Variants in EMG1 observed in about 807,000 individuals in gnomAD.
EMG1 encodes the protein EMG1 N1-specific pseudouridine methyltransferase, also known as ribosomal RNA small subunit methyltransferase NEP1.
EMG1 carries 24 observed loss-of-function variants against 26.9 expected under a neutral mutation model. That is an observed-to-expected ratio of 0.89 (90% CI 0.65 to 1.26). The LOEUF (loss-of-function observed/expected upper bound fraction) is 1.26. Among genes scored for constraint, EMG1 ranks in the 50% most tolerant of loss-of-function variants. EMG1 has a pLI of 0.00. For synonymous variants in EMG1, 140 were observed against 112.6 expected (o/e 1.24, Z -1.54); for missense variants, 299 against 307.6 (o/e 0.97, Z 0.21).
chr12:6,994,126 T>C (rs1276128592), intron 7 of EMG1, among the ~76,000 whole-genome samples: 1 of 152,196 alleles, frequency 6.6e-6, no homozygotes, highest in Admixed American at 6.5e-5. Flanking sequence ...TATGAGCCCA[T>C]GTACAAGTTT....
intron 6 of EMG1, among the ~76,000 whole-genome samples, chr12:6,985,042 T>C (rs1359806860): frequency 5.4e-5 from 8 of 148,784 alleles, no homozygotes; most frequent in African/African-American, 1.7e-4. Context: ...CACACAATCA[T>C]GTTATATGTT....
downstream of EMG1, among the ~76,000 whole-genome samples, chr12:6,990,181 C>G (rs372039169): frequency 2.2e-4 from 30 of 137,998 alleles, 1 homozygote; most frequent in Middle Eastern, 0.012. Context: ...TTTTGAGACC[C>G]TGTCTCAAAA....
In EMG1 at chr12:6,976,617, G is replaced by A. The variant is rs1946405081; in HGVS notation, c.*808G>A. On this transcript the variant is annotated 3_prime_UTR_variant, in exon 6 of 6. Coordinates refer to ENST00000599672, the MANE Select transcript of EMG1 (RefSeq NM_006331.8). ...GCGTGCCTGTATTCCCAGCTACTTGGGAGGCTGAGGCAGGAAAATCACTTG... is the reference window on the plus strand; with the variant it reads ...GCGTGCCTGTATTCCCAGCTACTTGAGAGGCTGAGGCAGGAAAATCACTTG... 6.5e-6 allele frequency: 1 copy of A among 153,390 alleles called. No individual in the cohort carries two copies. Among genetic ancestry groups the A allele is most frequent in the Non-Finnish European group, 1.5e-5 (1 of 68,910 alleles). The allele number at this position is 153,390 out of a possible 1,614,324, so 9.5% of individuals were successfully genotyped here.
chr12:6,972,829 T>G (rs1946349229), intron 1 of EMG1, among the ~76,000 whole-genome samples: 1 of 152,142 alleles, frequency 6.6e-6, no homozygotes, highest in Non-Finnish European at 1.5e-5. Context: ...TTTCTTCGTT[T>G]CCACTTTTTC....
chr12:6,981,722 G>C (rs112093579), downstream of EMG1: 5 of 1,385,948 alleles, frequency 3.6e-6, no homozygotes, highest in Middle Eastern at 3.6e-4. Context: ...AGTGTATGGC[G>C]GGGGGCGGAG....
downstream of EMG1, among the ~76,000 whole-genome samples, chr12:6,984,421 C>G (rs1377825791): frequency 2.0e-5 from 3 of 152,198 alleles, no homozygotes; most frequent in African/African-American, 2.4e-5. Flanking sequence ...CTTCAGTGTT[C>G]TATCTAGAGG....
chr12:6,990,041 G>C (rs983788160), downstream of EMG1, among the ~76,000 whole-genome samples: 1 of 151,616 alleles, frequency 6.6e-6, no homozygotes, highest in East Asian at 1.9e-4. Context: ...GGTGGGGTGG[G>C]TGGTGCGTGC....
chr12:6,993,897 C>A (rs1359882462), intron 7 of EMG1, among the ~76,000 whole-genome samples: 1 of 152,180 alleles, frequency 6.6e-6, no homozygotes, highest in African/African-American at 2.4e-5. Flanking sequence ...CAGGCATGAG[C>A]CACTACGCCC....
rs1946439350 is a variant in EMG1 at position 6,978,940 on chromosome 12, T to C, written c.*3131T>C. 2.1e-6 allele frequency: 1 copy of C among 476,722 alleles called. No individual in the cohort carries two copies. Among genetic ancestry groups the C allele is most frequent in the Non-Finnish European group, 3.7e-6 (1 of 270,482 alleles). The allele number at this position is 476,722 out of a possible 1,614,324, so 29.5% of individuals were successfully genotyped here. A position where few individuals can be genotyped will look rare whatever the true frequency, so the allele number is the denominator to read the frequency against. On this transcript the variant is annotated 3_prime_UTR_variant, in exon 6 of 6. Coordinates refer to ENST00000599672, the MANE Select transcript of EMG1 (RefSeq NM_006331.8). Reference sequence around the variant, plus strand: ...GCACTGTATTTAACTTCTCTACTGTTTGCCTTCGTTGGCAAAGTGTTTGGA... The same window carrying C: ...GCACTGTATTTAACTTCTCTACTGTCTGCCTTCGTTGGCAAAGTGTTTGGA...
chr12:6,983,643 A>G (rs966146962), downstream of EMG1: 15 of 706,220 alleles, frequency 2.1e-5, no homozygotes, highest in African/African-American at 7.3e-5. Context: ...GGGAGAGAGA[A>G]AAAAAAAACA....
At chr12:6,992,758 T>C (rs1555155631), downstream of EMG1, among the ~76,000 whole-genome samples, 3 of 152,198 alleles carry the variant, frequency 2.0e-5, no homozygotes, top group Non-Finnish European at 2.9e-5. Context: ...ACTGGTTTCA[T>C]TGGTTTTGAA....
intron 7 of EMG1, among the ~76,000 whole-genome samples, chr12:6,994,511 C>T (rs782316767): frequency 7.1e-4 from 107 of 151,148 alleles, no homozygotes; most frequent in African/African-American, 7.3e-4. Flanking sequence ...CTGTTGCCCA[C>T]GCTGGAGTGC....
chr12:6,971,115 A>T (rs1555152191), intron 1 of EMG1, 24 bp downstream of exon 1: 5 of 1,599,014 alleles, frequency 3.1e-6, no homozygotes, highest in South Asian at 2.2e-5. Context: ...GGAAGTGGAG[A>T]AGTAGTAAAT....
chr12:6,989,373 A>C (rs12830597), downstream of EMG1, among the ~76,000 whole-genome samples: 9 of 147,150 alleles, frequency 6.1e-5, no homozygotes, highest in Non-Finnish European at 1.2e-4. Flanking sequence ...GCAGTGGTGC[A>C]ATCTCGGCTC....
intron 5 of EMG1, 110 bp from the exon 6 acceptor site, chr12:6,975,586 T>G (rs1433127306): frequency 6.1e-6 from 6 of 985,918 alleles, no homozygotes; most frequent in Non-Finnish European, 9.8e-6. Flanking sequence ...GGATTTGATA[T>G]TCAACAGCAC....
downstream of EMG1, among the ~76,000 whole-genome samples, chr12:6,980,544 CAG>C (rs782480624): frequency 3.3e-5 from 5 of 151,370 alleles, no homozygotes; most frequent in Admixed American, 2.6e-4. Flanking sequence ...TTTGTAGAGA[CAG>C]AGTCTCTCTA....
chr12:6,988,753 TAA>T (rs1387512182), downstream of EMG1, among the ~76,000 whole-genome samples: 2 of 152,158 alleles, frequency 1.3e-5, no homozygotes, highest in Non-Finnish European at 2.9e-5. Context: ...GTCCTGAGGA[TAA>T]AATTCTCAGC....
intron 7 of EMG1, among the ~76,000 whole-genome samples, chr12:6,996,367 C>T (rs899254230): frequency 1.3e-5 from 2 of 152,204 alleles, no homozygotes; most frequent in Admixed American, 1.3e-4. Flanking sequence ...ACTACCCCTC[C>T]CCACCCTGTA....
chr12:6,988,554 C>T (rs1946551936), downstream of EMG1, among the ~76,000 whole-genome samples: 1 of 152,062 alleles, frequency 6.6e-6, no homozygotes, highest in South Asian at 2.1e-4. Context: ...TTTGTGGGAG[C>T]CAATGCTTAA....
Sources: gnomAD v4.1 joint callset for allele counts (sites outside exome capture counted in the v4.1 genomes callset) on GRCh38, gnomAD v4.1.1 for gene constraint, MANE v1.5 for transcripts, NCBI Gene and HGNC (gene_info 2026-07-23, HGNC 2026-07-21) for gene names.